Variants in SLC3A2 observed in about 807,000 individuals in gnomAD.
SLC3A2 encodes solute carrier family 3 member 2, also known as amino acid transporter heavy chain SLC3A2.
Under a neutral mutation model 48.5 loss-of-function variants are expected in SLC3A2, and 32 were observed. That is an observed-to-expected ratio of 0.66 (90% CI 0.50 to 0.89). SLC3A2 has a LOEUF of 0.89. Among genes scored for constraint, SLC3A2 ranks in the 40% least tolerant of loss-of-function variants. SLC3A2 has a pLI of 0.00. For missense variants in SLC3A2, 587 were observed against 680.7 expected (o/e 0.86, Z 1.53); for synonymous variants, 277 against 288.8 (o/e 0.96, Z 0.41).
intron 7 of SLC3A2, chr11:62,886,356 C>T (rs1357797164): frequency 6.7e-6 from 1 of 150,156 alleles, no homozygotes; most frequent in Admixed American, 6.6e-5. Flanking sequence ...AAGGCATTCA[C>T]TAGCTTTAGA....
At chr11:62,885,378 A>T (rs780698607) in intron 6 of SLC3A2, 21 bp downstream of exon 6, 1 of 1,614,056 alleles carries the variant, frequency 6.2e-7, no homozygotes, top group South Asian at 1.1e-5. Flanking sequence ...TGCTGGTGGG[A>T]AAGGGGGCAG....
chr11:62,882,047 G>T lies in SLC3A2; in HGVS notation c.579G>T (p.Leu193Phe). Residue 193 changes from leucine (L) to phenylalanine (F), a missense_variant, in exon 2 of 9, where the codon TTG (leucine) becomes TTT (phenylalanine). Leu to Phe is a conservative substitution (Grantham distance 22, BLOSUM62 0). Transcript: ENST00000338663. ...FGSKEDFDSL[L>F]QSAKKKSIRV... ...CCAAGGAAGATTTTGACAGTCTCTT[G>T]CAATCGGCTAAAAAAAAGAGTGGGT... is the stretch of plus-strand genomic sequence containing the variant. 3 of 1,614,164 alleles carry T rather than the reference G, an allele frequency of 1.9e-6. No individual in the cohort carries two copies. The highest frequency in any genetic ancestry group is 2.5e-6 in the Non-Finnish European group (3 of 1,180,036).
chr11:62,856,300 G>A, exon 1 of SLC3A2: 1 of 1,613,378 alleles, frequency 6.2e-7, no homozygotes, highest in East Asian at 2.2e-5. Flanking sequence ...AGCCTCGATC[G>A]CCGTCGTGTC....
rs936579001 is a variant in SLC3A2, at chr11:62,856,151, C to A, written c.-119C>A. On this transcript the variant is annotated 5_prime_UTR_variant, in exon 1 of 10. Coordinates refer to the SLC3A2 transcript ENST00000377889. ...TCTCACCCAGTGCATGTGGCAGGAG[C>A]GGTGAGATCACTGCCTCACGGCGAT... The A allele has an allele frequency of 8.3e-6, 6 of 723,960 alleles. No individual in the cohort carries two copies. In the African/African-American group the frequency reaches 1.1e-4, roughly 13 times the overall value. 44.8% of individuals were successfully genotyped at this position (723,960 alleles called of 1,614,324 possible).
chr11:62,880,857 T>C, upstream of SLC3A2: 1 of 1,384,608 alleles, frequency 7.2e-7, no homozygotes, highest in African/African-American at 1.5e-5. Flanking sequence ...GGGGCGGGGC[T>C]CCGCTGCCCC....
chr11:62,875,948 C>T (rs183510022), upstream of SLC3A2, among the ~76,000 whole-genome samples: 69 of 152,320 alleles, frequency 4.5e-4, no homozygotes, highest in African/African-American at 1.6e-3. Flanking sequence ...CTCACTGCTG[C>T]CTCAACCTGA....
At chr11:62,877,348 C>T (rs758022558), upstream of SLC3A2, among the ~76,000 whole-genome samples, 3 of 152,098 alleles carry the variant, frequency 2.0e-5, no homozygotes, top group African/African-American at 4.8e-5. Context: ...TGTGATCCAC[C>T]GTGCCTAGCC....
chr11:62,880,734 G>A (rs1174044865), upstream of SLC3A2: 2 of 420,968 alleles, frequency 4.8e-6, no homozygotes, highest in East Asian at 8.4e-5. Context: ...ACAGGTTGGA[G>A]ATGAGAAATT....
upstream of SLC3A2, among the ~76,000 whole-genome samples, chr11:62,878,651 G>A (rs1395421682): frequency 2.2e-5 from 2 of 89,794 alleles, no homozygotes; most frequent in African/African-American, 4.3e-5. Flanking sequence ...TTTTTTTTTT[G>A]CATTTTTAGT....
In SLC3A2 at chr11:62,888,658, G is replaced by A. The variant is rs747739586; in HGVS notation, c.1555G>A (p.Glu519Lys). 6.2e-7 allele frequency: 1 copy of A among 1,602,964 alleles called. No individual in the cohort carries two copies. Among genetic ancestry groups the A allele is most frequent in the Admixed American group, 1.7e-5 (1 of 59,968 alleles). ...GGAACGCCTGAAACTGGAGCCTCAC[G>A]AAGGGCTGCTGCTCCGCTTCCCCTA... ...ELERLKLEPHEGLLLRFPYAA is the reference protein window; with the variant it reads ...ELERLKLEPHKGLLLRFPYAA The change falls in exon 9 of 9, where the codon GAA (glutamate) becomes AAA (lysine). Residue 519 changes from glutamate (E) to lysine (K), a missense_variant. Glu to Lys is a moderately conservative substitution (Grantham distance 56). Around this residue, in one of 3 missense-constraint regions of SLC3A2, gnomAD observed 169 missense variants for 204.4 expected, o/e 0.83. Coordinates refer to ENST00000338663, the MANE Select transcript of SLC3A2 (RefSeq NM_001013251.3).
chr11:62,888,060 C>G, intron 7 of SLC3A2, 75 bp from the exon 8 acceptor site: 1 of 1,351,022 alleles, frequency 7.4e-7, no homozygotes, highest in South Asian at 1.2e-5. Flanking sequence ...ACCTCCCAGA[C>G]TGCTGGAATT....
chr11:62,883,082 C>G, intron 3 of SLC3A2, 83 bp downstream of exon 3: 4 of 1,260,994 alleles, frequency 3.2e-6, no homozygotes, highest in Non-Finnish European at 4.6e-6. Flanking sequence ...TAGACCCAGC[C>G]TGACTCCAGC....
chr11:62,864,307 GT>G (rs35455481), intron 1 of SLC3A2, among the ~76,000 whole-genome samples: 53,720 of 144,698 alleles, frequency 0.37, 11,633 homozygotes, highest in Non-Finnish European at 0.52. Context: ...TAAATACTTG[GT>G]TTTTTTTTTT....
At chr11:62,887,121 C>T (rs940816025) in intron 7 of SLC3A2, among the ~76,000 whole-genome samples, 9 of 152,144 alleles carry the variant, frequency 5.9e-5, no homozygotes, top group Non-Finnish European at 1.0e-4. Context: ...ACTGAGGATA[C>T]AGCATTGCAC....
intron 1 of SLC3A2, among the ~76,000 whole-genome samples, chr11:62,867,604 G>A (rs572979485): frequency 1.3e-4 from 19 of 152,000 alleles, no homozygotes; most frequent in African/African-American, 4.1e-4. Context: ...GATTACAGGC[G>A]TGAGCCACCG....
chr11:62,863,874 T>G (rs966522143), intron 1 of SLC3A2, among the ~76,000 whole-genome samples: 2 of 152,192 alleles, frequency 1.3e-5, no homozygotes, highest in Non-Finnish European at 2.9e-5. Flanking sequence ...ACTTGCATTG[T>G]GCTTTTGCCA....
rs536598099 is a variant in SLC3A2, at chr11:62,886,057, A to G, written c.1143+449A>G. ...GTAATCCTAGCACTTTGGGAGTCCA[A>G]GGTGGGTGGATCACTGGAGGTAAGG... On this transcript the variant is annotated intron_variant, in intron 7 of 8. Transcript: ENST00000338663. 7.9e-5 allele frequency among the ~76,000 whole-genome samples: 12 copies of G among 152,312 alleles called. 1 individual carries two copies. In the South Asian group the frequency reaches 2.5e-3, roughly 32 times the overall value.
In SLC3A2 at chr11:62,881,853, C is replaced by G. The variant is rs912833742; in HGVS notation, c.425-40C>G. On this transcript the variant is annotated intron_variant, in intron 1 of 8. Coordinates refer to ENST00000338663, the MANE Select transcript of SLC3A2 (RefSeq NM_001013251.3). The surrounding 1 kb of genome is among the most constrained non-coding windows in gnomAD (Gnocchi z 4.0). ...GGGAGGGTGGGGAGGTCAGGGGCCT[C>G]TCAGAGGGGCCTCACTTGTTAACCC... The G allele has an allele frequency of 1.2e-6, 2 of 1,603,874 alleles. No homozygotes were observed. The highest frequency in any genetic ancestry group is 1.7e-6 in the Non-Finnish European group (2 of 1,173,122).
chr11:62,869,500 G>A (rs1224306229), intron 1 of SLC3A2, among the ~76,000 whole-genome samples: 1 of 143,714 alleles, frequency 7.0e-6, no homozygotes, highest in Non-Finnish European at 1.5e-5. Flanking sequence ...CTCCAGCCTG[G>A]GTGATAGAGC....
Sources: gnomAD v4.1 joint callset for allele counts (sites outside exome capture counted in the v4.1 genomes callset) on GRCh38, gnomAD v4.1.1 for gene constraint, gnomAD v4.1.1 regional missense constraint, Gnocchi (gnomAD v3.1) non-coding constraint, MANE v1.5 for transcripts, NCBI Gene and HGNC (gene_info 2026-07-23, HGNC 2026-07-21) for gene names.